Variants in DDAH1 observed in about 807,000 individuals in gnomAD.
DDAH1 encodes the protein N(G),N(G)-dimethylarginine dimethylaminohydrolase 1.
In DDAH1, 19 loss-of-function variants were observed where a neutral mutation model predicts 28.8. The ratio of observed to expected loss-of-function variants is 0.66; its 90% CI spans 0.46 to 0.97. The LOEUF (loss-of-function observed/expected upper bound fraction) is 0.97, where lower values mean the gene tolerates loss of function less well. DDAH1 is among the 50% of genes least tolerant of loss of function. The pLI, the probability that DDAH1 is intolerant of heterozygous loss-of-function variation, is 0.00. For synonymous variants in DDAH1, 153 were observed against 154.4 expected, an observed-to-expected ratio of 0.99 and a Z score of 0.07; for missense variants, 326 against 375.9, an observed-to-expected ratio of 0.87 and a Z score of 1.10.
intron 1 of DDAH1, among the ~76,000 whole-genome samples, chr1:85,408,179 T>A (rs1028225307): frequency 6.6e-6 from 1 of 152,234 alleles, no homozygotes; most frequent in Non-Finnish European, 1.5e-5. Context: ...TGGTTTCTTT[T>A]GCCCTTCACA....
At chr1:85,433,083 C>T (rs1455718126) in intron 1 of DDAH1, among the ~76,000 whole-genome samples, 1 of 152,122 alleles carries the variant, frequency 6.6e-6, no homozygotes, top group East Asian at 1.9e-4. Flanking sequence ...CATATATATG[C>T]ATACGTACAT....
intron 1 of DDAH1, among the ~76,000 whole-genome samples, chr1:85,382,509 C>G (rs573446864): frequency 3.9e-5 from 6 of 152,190 alleles, no homozygotes; most frequent in Non-Finnish European, 8.8e-5. Flanking sequence ...GTAGAAGCTG[C>G]AAGAAGTTAT....
chr1:85,405,987 G>A (rs1407298945), intron 1 of DDAH1, among the ~76,000 whole-genome samples: 1 of 152,188 alleles, frequency 6.6e-6, no homozygotes, highest in Non-Finnish European at 1.5e-5. Context: ...TTTTAAAGAA[G>A]CTAAGAACTG....
chr1:85,385,654 G>A (rs1651219697), intron 1 of DDAH1, among the ~76,000 whole-genome samples: 1 of 152,106 alleles, frequency 6.6e-6, no homozygotes, highest in African/African-American at 2.4e-5. Flanking sequence ...AACAAATGAG[G>A]CCTCATTTTG....
chr1:85,376,820 C>G (rs560322112), intron 1 of DDAH1: 1 of 143,960 alleles, frequency 6.9e-6, no homozygotes, highest in East Asian at 2.1e-4. Context: ...CTAAATGATG[C>G]ACAAAGCCAC....
chr1:85,356,218 ATAAAAG>A (rs1469646179), intron 2 of DDAH1, among the ~76,000 whole-genome samples: 1 of 152,234 alleles, frequency 6.6e-6, no homozygotes, highest in Non-Finnish European at 1.5e-5. Flanking sequence ...ACAAAAATAA[ATAAAAG>A]TAGAGGTAAG....
chr1:85,543,461 G>A (rs902733146), intron 1 of DDAH1, among the ~76,000 whole-genome samples: 3 of 152,128 alleles, frequency 2.0e-5, no homozygotes, highest in Non-Finnish European at 4.4e-5. Context: ...CAATTCCTGT[G>A]GCTCTGGACC....
chr1:85,502,574 C>T (rs949920947), intron 1 of DDAH1, among the ~76,000 whole-genome samples: 5 of 152,326 alleles, frequency 3.3e-5, no homozygotes, highest in Admixed American at 2.6e-4. Context: ...CCTCTGGCTT[C>T]AGCCTGGTAA....
At chr1:85,405,687 T>C (rs1293645419) in intron 1 of DDAH1, among the ~76,000 whole-genome samples, 1 of 151,980 alleles carries the variant, frequency 6.6e-6, no homozygotes, top group Non-Finnish European at 1.5e-5. Context: ...GATAGCATGT[T>C]GGAATACAAG....
intron 1 of DDAH1, among the ~76,000 whole-genome samples, chr1:85,434,312 T>G (rs1216809159): frequency 6.6e-6 from 1 of 152,190 alleles, no homozygotes; most frequent in East Asian, 1.9e-4. Context: ...TACCAGATTT[T>G]TATGTACACT....
At chr1:85,562,909 T>C (rs1296696408) in intron 1 of DDAH1, among the ~76,000 whole-genome samples, 1 of 152,196 alleles carries the variant, frequency 6.6e-6, no homozygotes, top group Admixed American at 6.5e-5. Context: ...ACTTCTACTT[T>C]CAAGCCAAAA....
rs749124057 is a variant in DDAH1, at chr1:85,324,819, T to G, written c.662A>C (p.Asn221Thr). 3 of 1,614,108 alleles carry G rather than the reference T, an allele frequency of 1.9e-6. No individual in the cohort carries two copies. Among genetic ancestry groups the G allele is most frequent in the Non-Finnish European group, 2.5e-6 (3 of 1,180,014 alleles). The stretch of plus-strand genomic sequence containing the variant: ...GTTGGGGATATTTAGATATATACAG[T>G]TTGCTGCTATGTCATCAGGCACAGT... ...KLTVPDDIAA[N>T]CIYLNIPNKG... is the part of the protein sequence containing the mutation. The change falls in exon 5 of 6, where the codon AAC becomes ACC. Residue 221 changes from asparagine to threonine, a missense_variant. Asn to Thr is a moderately conservative substitution (Grantham distance 65). Coordinates refer to ENST00000284031, the MANE Select transcript of DDAH1 (RefSeq NM_012137.4).
At chr1:85,437,628 A>C (rs1654000659) in intron 1 of DDAH1, among the ~76,000 whole-genome samples, 1 of 152,246 alleles carries the variant, frequency 6.6e-6, no homozygotes. Flanking sequence ...AATGCACTTT[A>C]TGTTATTGGT....
At chr1:85,557,514 CA>C (rs1384385785) in intron 1 of DDAH1, among the ~76,000 whole-genome samples, 2 of 152,202 alleles carry the variant, frequency 1.3e-5, no homozygotes, top group Non-Finnish European at 2.9e-5. Flanking sequence ...AATTCAACAA[CA>C]GACACTTTTG....
At chr1:85,518,764 A>C (rs1282350554) in intron 1 of DDAH1, among the ~76,000 whole-genome samples, 3 of 152,166 alleles carry the variant, frequency 2.0e-5, no homozygotes, top group Non-Finnish European at 4.4e-5. Flanking sequence ...GGTTCCAGGG[A>C]TTTGGACATA....
At chr1:85,541,443 G>C (rs1658467860) in intron 1 of DDAH1, among the ~76,000 whole-genome samples, 1 of 152,226 alleles carries the variant, frequency 6.6e-6, no homozygotes, top group Non-Finnish European at 1.5e-5. Context: ...CCTGGCCCTA[G>C]TATTTCATAG....
At chr1:85,537,969 C>A (rs1388328522) in intron 1 of DDAH1, among the ~76,000 whole-genome samples, 1 of 152,112 alleles carries the variant, frequency 6.6e-6, no homozygotes, top group Admixed American at 6.5e-5. Context: ...ACACTTAAAA[C>A]CCACACATTA....
chr1:85,444,983 T>G (rs1428300510), intron 1 of DDAH1, among the ~76,000 whole-genome samples: 3 of 152,176 alleles, frequency 2.0e-5, no homozygotes, highest in African/African-American at 7.2e-5. Flanking sequence ...ACTGAAGAAC[T>G]TGGAGTCCAA....
At chr1:85,503,565 C>CTATCTATA (rs1403605064) in intron 1 of DDAH1, among the ~76,000 whole-genome samples, 16 of 151,916 alleles carry the variant, frequency 1.1e-4, no homozygotes, top group African/African-American at 4.8e-5. Flanking sequence ...ATCTATCTAT[C>CTATCTATA]TATCCATCTA....
Sources: gnomAD v4.1 joint callset for allele counts (sites outside exome capture counted in the v4.1 genomes callset) on GRCh38, gnomAD v4.1.1 for gene constraint, MANE v1.5 for transcripts, NCBI Gene and HGNC (gene_info 2026-07-23, HGNC 2026-07-21) for gene names.